SGCG: variants seen among roughly 807,000 people sequenced by gnomAD.
SGCG encodes the protein sarcoglycan gamma, also known as gamma-sarcoglycan.
SGCG carries 26 observed loss-of-function variants against 29.3 expected under a neutral mutation model. That is an observed-to-expected ratio of 0.89 (90% CI 0.65 to 1.23). The LOEUF is 1.23. Among genes scored for constraint, SGCG ranks in the 50% most tolerant of loss-of-function variants. SGCG has a pLI of 0.00. For synonymous variants in SGCG, 145 were observed against 129.7 expected (o/e 1.12, Z -0.80); for missense variants, 353 against 356.0 (o/e 0.99, Z 0.07).
At chr13:23,251,127 G>T (rs1277733241) in intron 4 of SGCG, among the ~76,000 whole-genome samples, 1 of 152,070 alleles carries the variant, frequency 6.6e-6, no homozygotes, top group Non-Finnish European at 1.5e-5. Flanking sequence ...CTCCCCATGT[G>T]CTCCATTCTC....
At chr13:23,254,679 T>C (rs1593199996) in intron 4 of SGCG, among the ~76,000 whole-genome samples, 1 of 151,922 alleles carries the variant, frequency 6.6e-6, no homozygotes, top group Non-Finnish European at 1.5e-5. Context: ...TCCAAGACAA[T>C]GGGGGAAAGG....
chr13:23,320,620 T>G lies in SGCG; in HGVS notation c.579-17T>G, dbSNP rs368025607. On this transcript the variant is annotated splice_polypyrimidine_tract_variant and intron_variant, in intron 6 of 7. Transcript: ENST00000218867. ...TACTTTTTTTTTTTTTTTTTGTGCT[T>G]CTTTTCCTCATCTCAGATTAGAATC... 1.9e-4 allele frequency: 280 copies of G among 1,471,156 alleles called. 2 individuals carry two copies. In the South Asian group the frequency reaches 2.2e-3, roughly 12 times the overall value. 91.1% of individuals were successfully genotyped at this position (1,471,156 alleles called of 1,614,324 possible).
chr13:23,162,699 C>T, the SGCG span, among the ~76,000 whole-genome samples: 1 of 151,932 alleles, frequency 6.6e-6, no homozygotes. Context: ...GGTGTGGTGG[C>T]ACACGCCTGT....
intron 6 of SGCG, among the ~76,000 whole-genome samples, chr13:23,299,092 A>G (rs1318217291): frequency 6.6e-6 from 1 of 152,116 alleles, no homozygotes; most frequent in Non-Finnish European, 1.5e-5. Flanking sequence ...CCCATTTTAT[A>G]AAGGCAGAAA....
chr13:23,305,328 G>A (rs1372588511), intron 6 of SGCG, among the ~76,000 whole-genome samples: 1 of 152,078 alleles, frequency 6.6e-6, no homozygotes, highest in Non-Finnish European at 1.5e-5. Context: ...ATTATTCCCT[G>A]TTACTGTTTT....
intron 2 of SGCG, among the ~76,000 whole-genome samples, chr13:23,222,796 C>G (rs1452389310): frequency 6.6e-6 from 1 of 152,122 alleles, no homozygotes; most frequent in Admixed American, 6.5e-5. Flanking sequence ...CCACTGCACT[C>G]CAGCCTGGGT....
At chr13:23,267,224 C>T (rs927488026) in intron 4 of SGCG, among the ~76,000 whole-genome samples, 2 of 152,184 alleles carry the variant, frequency 1.3e-5, no homozygotes, top group Non-Finnish European at 2.9e-5. Context: ...CCCACTGAGC[C>T]AGGCTGCAGC....
At chr13:23,301,369 A>C (rs1216951990) in intron 6 of SGCG, among the ~76,000 whole-genome samples, 1 of 152,188 alleles carries the variant, frequency 6.6e-6, no homozygotes, top group Non-Finnish European at 1.5e-5. Flanking sequence ...TGAGACATGA[A>C]GTAATTAAAA....
intron 1 of SGCG, among the ~76,000 whole-genome samples, chr13:23,195,180 G>T (rs1455803710): frequency 2.0e-5 from 3 of 152,120 alleles, no homozygotes; most frequent in Non-Finnish European, 4.4e-5. Flanking sequence ...TCTGTGTCTT[G>T]TTTTTGCTAA....
rs9552897 is a variant in SGCG at position 23,263,676 on chromosome 13, A to C, written c.385+12959A>C. Among the ~76,000 whole-genome samples the C allele has an allele frequency of 0.022, 3,313 of 152,236 alleles. 233 individuals carry two copies. The East Asian group carries it at 0.25, about 11-fold the overall frequency. On this transcript the variant is annotated intron_variant, in intron 4 of 7. Transcript: ENST00000218867. ...ATATCCCCAAAGAATATAGATGCAA[A>C]AATCCTCAACAAAATACTAGCTGAC...
chr13:23,312,573 C>T lies in SGCG; in HGVS notation c.579-8064C>T, dbSNP rs114377029. Among the ~76,000 whole-genome samples the T allele has an allele frequency of 3.4e-3, 511 of 152,082 alleles. 3 individuals are homozygous for T. Among genetic ancestry groups the T allele is most frequent in the African/African-American group, 9.8e-3 (408 of 41,470 alleles). ...AAACTAAGTGATGTGTACACATGGA[C>T]GTAGTGTGTGGAATGATAGCCGTAG... On this transcript the variant is annotated intron_variant, in intron 6 of 7. Coordinates refer to ENST00000218867, the MANE Select transcript of SGCG (RefSeq NM_000231.3).
At position 23,248,021 on chromosome 13, in the gene SGCG, T is replaced by G. The variant is rs902850953; in HGVS notation, c.298-2609T>G. 2.1e-5 allele frequency among the ~76,000 whole-genome samples: 3 copies of G among 140,196 alleles called. No individual in the cohort carries two copies. In the Admixed American group the frequency reaches 2.2e-4, roughly 10 times the overall value. 92.0% of individuals were successfully genotyped at this position (140,196 alleles called of 152,430 possible). ...CAGATGTAGTGGCTCACGCCTGTAATCCCAGCACTTTGGAAGGCCAAAGCG... is the reference window on the plus strand; with the variant it reads ...CAGATGTAGTGGCTCACGCCTGTAAGCCCAGCACTTTGGAAGGCCAAAGCG... On this transcript the variant is annotated intron_variant, in intron 3 of 7. Coordinates refer to ENST00000218867, the MANE Select transcript of SGCG (RefSeq NM_000231.3).
chr13:23,299,534 G>A (rs1271802031), intron 6 of SGCG, among the ~76,000 whole-genome samples: 1 of 142,122 alleles, frequency 7.0e-6, no homozygotes, highest in East Asian at 2.1e-4. Context: ...CTCACTGCAA[G>A]CTCCACCTCC....
At chr13:23,232,391 A>C (rs1035219151) in intron 2 of SGCG, among the ~76,000 whole-genome samples, 2 of 152,226 alleles carry the variant, frequency 1.3e-5, no homozygotes, top group African/African-American at 4.8e-5. Flanking sequence ...CTATCCTAGA[A>C]ATTCACCTGT....
chr13:23,198,239 G>A (rs1877591604), intron 1 of SGCG, among the ~76,000 whole-genome samples: 1 of 151,024 alleles, frequency 6.6e-6, no homozygotes, highest in Non-Finnish European at 1.5e-5. Context: ...TATCATCTTT[G>A]TGTCTCAGAC....
chr13:23,287,740 T>TTTTGTTTG (rs60329567), intron 5 of SGCG, among the ~76,000 whole-genome samples: 64,042 of 150,922 alleles, frequency 0.42, 14,452 homozygotes, highest in Middle Eastern at 0.64. Flanking sequence ...GACCAGGGTT[T>TTTTGTTTG]TTTGTTTGTT....
the SGCG span, among the ~76,000 whole-genome samples, chr13:23,161,380 C>A: frequency 6.6e-6 from 1 of 152,192 alleles, no homozygotes; most frequent in African/African-American, 2.4e-5. Context: ...ATCTACTCAT[C>A]CAGTGATAAT....
At chr13:23,297,778 A>G (rs1881964536) in intron 6 of SGCG, among the ~76,000 whole-genome samples, 3 of 152,006 alleles carry the variant, frequency 2.0e-5, no homozygotes, top group Admixed American at 2.0e-4. Context: ...TGTTCCCAAC[A>G]TTGTTGCCTA....
At chr13:23,302,731 A>G (rs977718263) in intron 6 of SGCG, among the ~76,000 whole-genome samples, 4 of 152,190 alleles carry the variant, frequency 2.6e-5, no homozygotes, top group African/African-American at 4.8e-5. Context: ...ATAAAACTAC[A>G]TCTTTTAGTG....
Sources: gnomAD v4.1 joint callset for allele counts (sites outside exome capture counted in the v4.1 genomes callset) on GRCh38, gnomAD v4.1.1 for gene constraint, MANE v1.5 for transcripts, NCBI Gene and HGNC (gene_info 2026-07-23, HGNC 2026-07-21) for gene names.